Variants in ARID3C observed in about 807,000 individuals in gnomAD.
ARID3C encodes the protein AT-rich interaction domain 3C, also known as AT-rich interactive domain-containing protein 3C.
In ARID3C, 42 loss-of-function variants were observed where a neutral mutation model predicts 37.9. That is an observed-to-expected ratio of 1.11 (90% CI 0.87 to 1.43). The LOEUF (loss-of-function observed/expected upper bound fraction) is 1.43. Ranked by LOEUF, ARID3C falls within the 40% of genes most tolerant of loss-of-function variation. ARID3C has a pLI of 0.00. For synonymous variants in ARID3C, 213 were observed against 228.0 expected, an observed-to-expected ratio of 0.93 and a Z score of 0.59; for missense variants, 581 against 548.8, an observed-to-expected ratio of 1.06 and a Z score of -0.59.
intron 4 of ARID3C, 88 bp downstream of exon 5, chr9:34,623,337 C>A: frequency 7.1e-7 from 1 of 1,418,084 alleles, no homozygotes; most frequent in African/African-American, 1.5e-5. Flanking sequence ...CTCCCCAGAC[C>A]TCAATCCTCA....
At chr9:34,628,121 C>A, upstream of ARID3C, 1 of 1,397,376 alleles carries the variant, frequency 7.2e-7, no homozygotes, top group Non-Finnish European at 9.4e-7. This position sits in a 1 kb window ranked among gnomAD's most constrained non-coding sequence, Gnocchi z 5.2. Context: ...CTGGGCCCTA[C>A]TGCCCCCAGA....
chr9:34,622,121 G>A lies in ARID3C; in HGVS notation c.1049-12C>T, dbSNP rs1587213766. ...ATCCAGCCGCTCTTCTGTCCAGGAG[G>A]GGGCAGAGGAATCACATTTTGGAGA... On this transcript the variant is annotated splice_polypyrimidine_tract_variant and intron_variant, in intron 5 of 6. Coordinates refer to ENST00000378909, the Ensembl canonical transcript of ARID3C. The A allele has an allele frequency of 6.2e-7, 1 of 1,613,410 alleles. No individual in the cohort carries two copies. The highest frequency in any genetic ancestry group is 8.5e-7 in the Non-Finnish European group (1 of 1,179,690).
exon 4 of ARID3C, chr9:34,623,526 G>A: frequency 3.2e-6 from 5 of 1,565,716 alleles, no homozygotes; most frequent in Non-Finnish European, 4.3e-6. Flanking sequence ...CGCCGGAGGG[G>A]CGGGGCCGGG....
chr9:34,630,405 CAGAG>C (rs1303412303), upstream of ARID3C, among the ~76,000 whole-genome samples: 1 of 152,154 alleles, frequency 6.6e-6, no homozygotes, highest in Non-Finnish European at 1.5e-5. Flanking sequence ...ACTTACCAAA[CAGAG>C]GGACACTGTG....
chr9:34,625,055 C>A lies in ARID3C; in HGVS notation c.391+687G>T, dbSNP rs1015356115. 2.1e-4 allele frequency among the ~76,000 whole-genome samples: 30 copies of A among 145,404 alleles called. 1 individual carries two copies. Among genetic ancestry groups the A allele is most frequent in the African/African-American group, 5.9e-4 (23 of 39,000 alleles). The stretch of plus-strand genomic sequence containing the variant: ...AGTGGGAAGTGGGCCAGCAGCTGCA[C>A]TAAAGGCGGTGGGGGGGCGGGGGGT... On this transcript the variant is annotated intron_variant, in intron 2 of 6. Transcript: ENST00000378909.
intron 1 of ARID3C, 44 bp downstream of exon 2, chr9:34,627,653 G>A (rs758112670): frequency 1.3e-6 from 2 of 1,528,120 alleles, no homozygotes; most frequent in South Asian, 2.5e-5. Flanking sequence ...TGCCAGAAGA[G>A]AGAGATAGGG....
At chr9:34,629,517 C>T (rs556678258), upstream of ARID3C, among the ~76,000 whole-genome samples, 1 of 152,302 alleles carries the variant, frequency 6.6e-6, no homozygotes, top group Admixed American at 6.5e-5. Flanking sequence ...AGAATAGAAG[C>T]TTCTCCCTTT....
At chr9:34,622,642 T>C in intron 4 of ARID3C, 113 bp from the exon 6 acceptor site, 6 of 1,090,446 alleles carry the variant, frequency 5.5e-6, no homozygotes, top group Non-Finnish European at 7.7e-6. Flanking sequence ...CAATCTCTCA[T>C]CCTTCATTCG....
rs146137441 is a variant in ARID3C at position 34,622,467 on chromosome 9, G to A, written c.928C>T (p.Arg310Trp). Residue 310 changes from arginine (R) to tryptophan (W), a missense_variant, in exon 5 of 7, where the codon CGG becomes TGG. Transcript: ENST00000378909. ...GGCTCCTCTGGTGCCAATTTCTCCC[G>A]TGTAGGTCCCAGTGCCAGGCCCACA... is the stretch of plus-strand genomic sequence containing the variant. 4.6e-5 allele frequency: 75 copies of A among 1,614,032 alleles called. No individual in the cohort carries two copies. The highest frequency in any genetic ancestry group is 2.1e-4 in the African/African-American group (16 of 75,052).
chr9:34,622,212 T>C (rs1820578856), intron 5 of ARID3C, 103 bp from the exon 7 acceptor site: 2 of 1,571,238 alleles, frequency 1.3e-6, no homozygotes, highest in African/African-American at 2.7e-5. Flanking sequence ...CCATTCCACT[T>C]CAGCCCCACA....
upstream of ARID3C, among the ~76,000 whole-genome samples, chr9:34,632,929 A>C (rs1201368336): frequency 6.6e-6 from 1 of 152,128 alleles, no homozygotes; most frequent in Non-Finnish European, 1.5e-5. Flanking sequence ...CTGAGACAAA[A>C]ATTTAGAAGT....
At chr9:34,629,813 C>T (rs1294344420), upstream of ARID3C, among the ~76,000 whole-genome samples, 4 of 151,808 alleles carry the variant, frequency 2.6e-5, no homozygotes, top group East Asian at 1.9e-4. Context: ...AGTGCAGTGG[C>T]GCGATCTGGG....
At chr9:34,624,110 G>C (rs1010234730) in intron 2 of ARID3C, 63 bp from the exon 4 acceptor site, 94 of 1,499,502 alleles carry the variant, frequency 6.3e-5, no homozygotes, top group South Asian at 3.1e-4. Context: ...GCATCCCCAG[G>C]GACTGATACA....
chr9:34,632,940 C>T (rs1023768482), upstream of ARID3C, among the ~76,000 whole-genome samples: 1 of 151,964 alleles, frequency 6.6e-6, no homozygotes, highest in Admixed American at 6.6e-5. Flanking sequence ...ATTTAGAAGT[C>T]AAGATATATA....
chr9:34,622,664 C>T, intron 4 of ARID3C, 135 bp from the exon 6 acceptor site: 2 of 914,748 alleles, frequency 2.2e-6, no homozygotes, highest in Non-Finnish European at 3.1e-6. Flanking sequence ...TCTATCTTCC[C>T]ATCCAGAGCC....
rs77754952 is a variant in ARID3C, at chr9:34,623,636, G to C, written c.654C>G (p.Asp218Glu). Residue 218 changes from aspartate (D) to glutamate (E), a missense_variant, in exon 4 of 7, where the codon GAC (aspartate) becomes GAG (glutamate). Coordinates refer to ENST00000378909, the Ensembl canonical transcript of ARID3C. ...GGCGACGGCCCTCGCGCCGATTGCT[G>C]TCTATGGCGGCCTGGAGCTCCCCTG... is the stretch of plus-strand genomic sequence containing the variant. 2.0e-3 allele frequency: 3,202 copies of C among 1,602,868 alleles called. 41 individuals are homozygous for C. In the African/African-American group the frequency reaches 0.034, roughly 17 times the overall value.
chr9:34,627,601 G>T, intron 1 of ARID3C, 96 bp downstream of exon 2: 2 of 1,095,638 alleles, frequency 1.8e-6, no homozygotes, highest in Admixed American at 2.3e-5. Context: ...CTTGCAGAGG[G>T]TGGTGGGGGT....
rs111454615 is a variant in ARID3C at position 34,622,504 on chromosome 9, A to G, written c.891T>C (p.Cys297=). The change falls in exon 5 of 7, where the codon TGT becomes TGC. Residue 297 remains cysteine, a synonymous_variant. Transcript: ENST00000378909. ...GTGCCAGGCCCACAGGCAGTGCCAG[A>G]CAAGGGTTTGGAATTCCACTCTCCT... 211 of 1,609,698 alleles carry G rather than the reference A, an allele frequency of 1.3e-4. 3 individuals are homozygous for G. In the African/African-American group the frequency reaches 2.3e-3, roughly 17 times the overall value.
At position 34,624,054 on chromosome 9, in the gene ARID3C, G is replaced by T; in HGVS notation, c.392-7C>A. The stretch of plus-strand genomic sequence containing the variant: ...ACGCGGTTCACTGGCGTCCCTGGTG[G>T]GGAGCGGGCTGCCGTCAGGACACTG... On this transcript the variant is annotated splice_region_variant and splice_polypyrimidine_tract_variant and intron_variant, in intron 2 of 6. Transcript: ENST00000378909. 1 of 1,577,238 alleles carries T rather than the reference G, an allele frequency of 6.3e-7. No individual in the cohort carries two copies. The highest frequency in any genetic ancestry group is 2.3e-5 in the East Asian group (1 of 43,850).
Sources: gnomAD v4.1 joint callset for allele counts (sites outside exome capture counted in the v4.1 genomes callset) on GRCh38, gnomAD v4.1.1 for gene constraint, Gnocchi (gnomAD v3.1) non-coding constraint, MANE v1.5 for transcripts, NCBI Gene and HGNC (gene_info 2026-07-23, HGNC 2026-07-21) for gene names.